The following HERC1 variants were observed in gnomAD, a reference collection of about 807,000 sequenced individuals.
The protein encoded by HERC1 is HECT and RLD domain containing E3 ubiquitin protein ligase family member 1.
In HERC1, 160 loss-of-function variants were observed where a neutral mutation model predicts 554.3. The ratio of observed to expected loss-of-function variants is 0.29; its 90% CI spans 0.25 to 0.33. The LOEUF is 0.33. Among genes scored for constraint, HERC1 ranks in the 10% least tolerant of loss-of-function variants. The pLI is 1.00. For missense variants in HERC1, 4,919 were observed against 5,918.5 expected (o/e 0.83, Z 5.54); for synonymous variants, 2,175 against 2,131.7 (o/e 1.02, Z -0.56).
Position 63,648,038 on chromosome 15 carries a change from A to G in HERC1, c.10878+31T>C, listed in dbSNP as rs761233146. On this transcript the variant is annotated intron_variant, in intron 55 of 77. Coordinates refer to ENST00000443617, the MANE Select transcript of HERC1 (RefSeq NM_003922.4). ...TGTAACAAAATTATATTTGTATCCC[A>G]TAAAATTACGTTTTTTAAAGATGCA... is the stretch of plus-strand genomic sequence containing the variant. 1.4e-5 allele frequency: 21 copies of G among 1,531,158 alleles called. No individual in the cohort carries two copies. The East Asian group carries it at 4.4e-4, about 32-fold the overall frequency. 94.8% of individuals were successfully genotyped at this position (1,531,158 alleles called of 1,614,324 possible).
intron 1 of HERC1, among the ~76,000 whole-genome samples, chr15:63,798,278 T>C (rs2076870362): frequency 6.6e-6 from 1 of 152,206 alleles, no homozygotes; most frequent in Non-Finnish European, 1.5e-5. Flanking sequence ...AATCTGATGT[T>C]ACTCCCTTAG....
Position 63,694,577 on chromosome 15 carries a change from C to A in HERC1, c.5243-28G>T, listed in dbSNP as rs780230657. The A allele has an allele frequency of 1.9e-6, 3 of 1,580,108 alleles. No individual in the cohort carries two copies. The South Asian group carries it at 3.3e-5, about 18-fold the overall frequency. On this transcript the variant is annotated intron_variant, in intron 28 of 77. Transcript: ENST00000443617. The surrounding 1 kb of genome is among the most constrained non-coding windows in gnomAD (Gnocchi z 4.3). Reference sequence around the variant, plus strand: ...AAAAGACAAAGAGACAGTTAAGAATCTTCCTTTCAGTAAACAAAGCATTTA... The same window carrying A: ...AAAAGACAAAGAGACAGTTAAGAATATTCCTTTCAGTAAACAAAGCATTTA...
rs763883232 is a variant in HERC1 at position 63,713,592 on chromosome 15, T to C, written c.4224A>G (p.Ala1408=). The C allele has an allele frequency of 2.5e-6, 4 of 1,613,774 alleles. No individual in the cohort carries two copies. The highest frequency in any genetic ancestry group is 3.4e-6 in the Non-Finnish European group (4 of 1,179,806). ...GATCATCAGCTCGAGCCCCAGACCCTGCCCCACTGTTCATTCTATCTCGGT... is the reference window on the plus strand; with the variant it reads ...GATCATCAGCTCGAGCCCCAGACCCCGCCCCACTGTTCATTCTATCTCGGT... The part of the protein sequence containing the change: ...SRDRDRMNSG[A]GSGARADDPP... Residue 1408 remains alanine, a synonymous_variant, in exon 23 of 78, where the codon GCA becomes GCG. Transcript: ENST00000443617.
rs374828607 is a variant in HERC1 at position 63,666,477 on chromosome 15, G to T, written c.8207-5C>A. The stretch of plus-strand genomic sequence containing the variant: ...TACTGCTTGGGTCTGACAAGGCTGA[G>T]ACAAAAGGAAGAGAAATAAGAACCT... On this transcript the variant is annotated splice_polypyrimidine_tract_variant and splice_region_variant and intron_variant, in intron 40 of 77. Transcript: ENST00000443617. 1.9e-6 allele frequency: 3 copies of T among 1,564,116 alleles called. No individual in the cohort carries two copies. The South Asian group carries it at 3.4e-5, about 18-fold the overall frequency.
intron 2 of HERC1, 134 bp from the exon 3 acceptor site, chr15:63,764,325 T>A: frequency 1.6e-6 from 1 of 617,000 alleles, no homozygotes; most frequent in South Asian, 2.1e-5. Flanking sequence ...AACCAAATCC[T>A]AACATTAGGT....
At chr15:63,763,183 G>A (rs775139034) in intron 3 of HERC1, among the ~76,000 whole-genome samples, 3 of 152,160 alleles carry the variant, frequency 2.0e-5, no homozygotes, top group Non-Finnish European at 4.4e-5. Flanking sequence ...TCACCCCCAC[G>A]ACCTGGTGTT....
Position 63,689,690 on chromosome 15 carries a change from G to T in HERC1, c.5947C>A (p.Arg1983Ser). 3.2e-6 allele frequency: 5 copies of T among 1,560,344 alleles called. No homozygotes were observed. The highest frequency in any genetic ancestry group is 4.4e-6 in the Non-Finnish European group (5 of 1,149,246). Residue 1983 changes from arginine (R) to serine (S), a missense_variant, in exon 33 of 78, where the codon CGC becomes AGC. Physicochemically the swap from Arg to Ser is moderately radical, Grantham distance 110. Coordinates refer to ENST00000443617, the MANE Select transcript of HERC1 (RefSeq NM_003922.4). ...CAATCAGAGAGAAGGGAAAATAAGCGCTCAACAATCTGTTTTATTGAAGAA... is the reference window on the plus strand; with the variant it reads ...CAATCAGAGAGAAGGGAAAATAAGCTCTCAACAATCTGTTTTATTGAAGAA... ...EDDQMAQIVE[R>S]LFSLLSDCMW... is the part of the protein sequence containing the mutation.
At chr15:63,666,233 C>G in intron 41 of HERC1, 83 bp from the exon 42 acceptor site, 1 of 1,390,640 alleles carries the variant, frequency 7.2e-7, no homozygotes, top group South Asian at 1.3e-5. Flanking sequence ...CTATGATGCT[C>G]TTGTAACAAA....
chr15:63,823,657 T>C (rs966864777), intron 1 of HERC1, among the ~76,000 whole-genome samples: 4 of 152,204 alleles, frequency 2.6e-5, no homozygotes, highest in African/African-American at 4.8e-5. Flanking sequence ...CCATCCTACA[T>C]TGGAGAAAAG....
At chr15:63,648,525 T>C (rs1278039096) in intron 54 of HERC1, among the ~76,000 whole-genome samples, 1 of 152,210 alleles carries the variant, frequency 6.6e-6, no homozygotes, top group African/African-American at 2.4e-5. Context: ...TGGACCAAAA[T>C]CTACCATGAA....
intron 12 of HERC1, among the ~76,000 whole-genome samples, chr15:63,739,243 G>A (rs2074687985): frequency 7.6e-6 from 1 of 131,454 alleles, no homozygotes; most frequent in African/African-American, 2.9e-5. Context: ...TGTTGCCCAG[G>A]CTGGAGTGCA....
intron 52 of HERC1, among the ~76,000 whole-genome samples, chr15:63,652,082 T>C (rs538807562): frequency 1.3e-5 from 2 of 152,224 alleles, no homozygotes; most frequent in Admixed American, 1.3e-4. Context: ...TTGAAAATGC[T>C]ACATTCTGAT....
rs1411824090 is a variant in HERC1 at position 63,755,340 on chromosome 15, AG to A, written c.1534-16del. 2.5e-6 allele frequency: 4 copies of A among 1,579,414 alleles called. No individual in the cohort carries two copies. In the Admixed American group the frequency reaches 5.0e-5, roughly 20 times the overall value. On this transcript the variant is annotated splice_polypyrimidine_tract_variant and intron_variant, in intron 5 of 77. Coordinates refer to ENST00000443617, the MANE Select transcript of HERC1 (RefSeq NM_003922.4). ...CAAACAACTACCTGCATTGCACACA[AG>A]TAAATACGATGAGTATGCACATGTT...
chr15:63,609,194 C>T lies in HERC1; in HGVS notation c.14473G>A (p.Val4825Ile). 6.2e-7 allele frequency: 1 copy of T among 1,613,724 alleles called. No homozygotes were observed. Among genetic ancestry groups the T allele is most frequent in the Non-Finnish European group, 8.5e-7 (1 of 1,179,798 alleles). Residue 4825 changes from valine to isoleucine, a missense_variant, in exon 78 of 78, where the codon GTC (valine) becomes ATC (isoleucine). Val to Ile is a conservative substitution (Grantham distance 29, BLOSUM62 3). Transcript: ENST00000443617. ...LRLPPYSSQL[V>I]MAERLRYAIN... is the part of the protein sequence containing the mutation. ...GCATAGCGCAGGCGCTCGGCCATGA[C>T]CAGCTGGCTGGAGTACGGGGGCAGC...
chr15:63,680,210 T>C lies in HERC1; in HGVS notation c.6466-50A>G. On this transcript the variant is annotated intron_variant, in intron 35 of 77. Coordinates refer to ENST00000443617, the MANE Select transcript of HERC1 (RefSeq NM_003922.4). The surrounding 1 kb of genome is among the most constrained non-coding windows in gnomAD (Gnocchi z 5.8). ...AAGAAAAAGGAAATAGAAATTTTTT[T>C]AATTCACAATATCTAACCACATTAG... 2.2e-6 allele frequency: 3 copies of C among 1,341,348 alleles called. No homozygotes were observed. The highest frequency in any genetic ancestry group is 3.2e-6 in the Non-Finnish European group (3 of 942,274). The allele number at this position is 1,341,348 out of a possible 1,614,324, so 83.1% of individuals were successfully genotyped here.
chr15:63,774,160 T>C (rs1269364587), intron 2 of HERC1, among the ~76,000 whole-genome samples: 1 of 152,128 alleles, frequency 6.6e-6, no homozygotes, highest in Non-Finnish European at 1.5e-5. Context: ...CAGTCTCTAT[T>C]CCCTTTCCCT....
intron 37 of HERC1, among the ~76,000 whole-genome samples, chr15:63,676,297 T>C (rs2071201834): frequency 6.6e-6 from 1 of 152,186 alleles, no homozygotes; most frequent in African/African-American, 2.4e-5. Context: ...TCTGTAAAGC[T>C]GTCACTGGTT....
In HERC1 at chr15:63,749,797, A is replaced by C. The variant is rs760848834; in HGVS notation, c.1903-6T>G. 2.6e-6 allele frequency: 4 copies of C among 1,541,122 alleles called. No homozygotes were observed. The highest frequency in any genetic ancestry group is 1.4e-5 in the African/African-American group (1 of 72,324). The stretch of plus-strand genomic sequence containing the variant: ...CCACAGCCCCAAGCATAGACCTGAA[A>C]AAAACAGAAATACGTTACACATAAC... On this transcript the variant is annotated splice_polypyrimidine_tract_variant and splice_region_variant and intron_variant, in intron 8 of 77. Transcript: ENST00000443617. This position sits in a 1 kb window ranked among gnomAD's most constrained non-coding sequence, Gnocchi z 4.1.
In HERC1 at chr15:63,692,549, G is replaced by A; in HGVS notation, c.5692C>T (p.His1898Tyr). The change falls in exon 31 of 78, where the codon CAT becomes TAT. Residue 1898 changes from histidine (H) to tyrosine (Y), a missense_variant. By Grantham distance (83) the His-to-Tyr change is moderately conservative. Around this residue, in one of 11 missense-constraint regions of HERC1, gnomAD observed 1,121 missense variants for 1,244.0 expected, o/e 0.90. Coordinates refer to ENST00000443617, the MANE Select transcript of HERC1 (RefSeq NM_003922.4). This position sits in a 1 kb window ranked among gnomAD's most constrained non-coding sequence, Gnocchi z 4.7. ...KDFRAALRKQ[H>Y]AAELHLGDFL... ...TCCCCTAGATGGAGTTCGGCTGCAT[G>A]TTGTTTCCTAAGAGCAGCTACAGTG... The A allele has an allele frequency of 6.2e-7, 1 of 1,608,224 alleles. No homozygotes were observed. The highest frequency in any genetic ancestry group is 8.5e-7 in the Non-Finnish European group (1 of 1,178,148).
Sources: gnomAD v4.1 joint callset for allele counts (sites outside exome capture counted in the v4.1 genomes callset) on GRCh38, gnomAD v4.1.1 for gene constraint, gnomAD v4.1.1 regional missense constraint, Gnocchi (gnomAD v3.1) non-coding constraint, MANE v1.5 for transcripts, NCBI Gene and HGNC (gene_info 2026-07-23, HGNC 2026-07-21) for gene names.